Variants in CTBP2 observed in about 807,000 individuals in gnomAD.
CTBP2 encodes C-terminal binding protein 2, also known as C-terminal-binding protein 2.
Under a neutral mutation model 80.3 loss-of-function variants are expected in CTBP2, and 30 were observed. The observed-to-expected ratio is 0.37, with a 90% confidence interval of 0.28 to 0.51. The LOEUF (loss-of-function observed/expected upper bound fraction) is 0.51, where lower values mean the gene tolerates loss of function less well. CTBP2 is among the 20% of genes least tolerant of loss of function. CTBP2 has a pLI of 0.93. For synonymous variants in CTBP2, 594 were observed against 587.4 expected (o/e 1.01, Z -0.16); for missense variants, 1,212 against 1,375.3 (o/e 0.88, Z 1.88).
chr10:125,141,422 T>A (rs1857797526), intron 1 of CTBP2, among the ~76,000 whole-genome samples: 1 of 152,136 alleles, frequency 6.6e-6, no homozygotes, highest in Non-Finnish European at 1.5e-5. Context: ...TCGGGGCAGC[T>A]GACCTTCCCC....
intron 2 of CTBP2, among the ~76,000 whole-genome samples, chr10:125,041,665 T>C (rs1959865176): frequency 6.6e-6 from 1 of 152,078 alleles, no homozygotes; most frequent in South Asian, 2.1e-4. Context: ...AGCTGCGTCA[T>C]CCAAGGGGGG....
chr10:125,026,153 G>C lies in CTBP2; in HGVS notation c.1607C>G (p.Ser536Ter). Residue 536 changes from serine (S) to a stop codon, truncating the protein, a stop_gained, in exon 1 of 9, where the codon TCA (serine) becomes TGA (stop). Transcript: ENST00000309035. LOFTEE classifies it high-confidence loss of function. ...GCGCCGGGCCACCTTCTGGTACGGT[G>C]AGTGAGGCGTGTGGAGGCTCTGGCT... 6.2e-7 allele frequency: 1 copy of C among 1,608,742 alleles called. No homozygotes were observed.
intron 2 of CTBP2, among the ~76,000 whole-genome samples, chr10:125,086,745 C>T (rs537799329): frequency 3.0e-4 from 46 of 152,076 alleles, no homozygotes; most frequent in Admixed American, 1.6e-3. Flanking sequence ...TTGGATTTCC[C>T]AAGAATTGTG....
chr10:124,987,854 T>C lies in CTBP2; in HGVS notation c.*1664A>G, dbSNP rs1405543937. 1.3e-5 allele frequency: 2 copies of C among 152,182 alleles called. No individual in the cohort carries two copies. The highest frequency in any genetic ancestry group is 4.8e-5 in the African/African-American group (2 of 41,444). 9.4% of individuals were successfully genotyped at this position (152,182 alleles called of 1,614,324 possible). A position where few individuals can be genotyped will look rare whatever the true frequency, so the allele number is the denominator to read the frequency against. On this transcript the variant is annotated 3_prime_UTR_variant, in exon 9 of 9. Transcript: ENST00000309035. ...ACTTAATTGACACTTGCAAATACTT[T>C]TAGTATAAAGGTTTAATTCTATTTA...
intron 3 of CTBP2, among the ~76,000 whole-genome samples, chr10:125,002,596 G>A (rs1468595221): frequency 6.6e-6 from 1 of 152,168 alleles, no homozygotes; most frequent in Non-Finnish European, 1.5e-5. Flanking sequence ...ACACGGCAGG[G>A]GTCATTTAGG....
intron 1 of CTBP2, chr10:125,006,069 T>A: frequency 7.8e-7 from 1 of 1,279,238 alleles, no homozygotes; most frequent in Non-Finnish European, 1.0e-6. Context: ...GGTAACAAAC[T>A]CCAGGTTGCC....
chr10:125,026,590 A>AGCCACAGGCTGGGGCTGCAGG lies in CTBP2; in HGVS notation c.1169_1170insCCTGCAGCCCCAGCCTGTGGC (p.Ala390_Pro391insLeuGlnProGlnProValAla), dbSNP rs1554870880. On this transcript the variant is annotated inframe_insertion, in exon 1 of 9. Coordinates refer to ENST00000309035, the MANE Select transcript of CTBP2 (RefSeq NM_022802.3). ...CTCGGGGGGATGCTGTCTGCAGAGG[A>AGCCACAGGCTGGGGCTGCAGG]GCCGCAGCGCCCAGAGAAGCCAAGT... The AGCCACAGGCTGGGGCTGCAGG allele has an allele frequency of 9.6e-6, 15 of 1,561,396 alleles. No individual in the cohort carries two copies. The highest frequency in any genetic ancestry group is 1.8e-4 in the Middle Eastern group (1 of 5,602).
At position 125,043,247 on chromosome 10, in the gene CTBP2, G is replaced by A. The variant is rs115576068; in HGVS notation, c.-101-4092C>T. ...AACTCCAACATATCCAGAATCAAGG[G>A]CAGGGGAAAGGGGAGGGTTCCCCTC... On this transcript the variant is annotated intron_variant, in intron 2 of 10. Coordinates refer to the CTBP2 transcript ENST00000337195. Among the ~76,000 whole-genome samples the A allele has an allele frequency of 3.7e-3, 556 of 152,282 alleles. 3 individuals are homozygous for A. Among genetic ancestry groups the A allele is most frequent in the African/African-American group, 0.013 (536 of 41,558 alleles).
In CTBP2 at chr10:125,026,208, G is replaced by T; in HGVS notation, c.1552C>A (p.Pro518Thr). The T allele has an allele frequency of 6.2e-7, 1 of 1,613,498 alleles. No individual in the cohort carries two copies. The highest frequency in any genetic ancestry group is 1.1e-5 in the South Asian group (1 of 91,046). ...GGCGGCAGGGTGGATGGCCCCAGGG[G>T]TGCACCTGGCTTCCGCAAGACCTGG... Residue 518 changes from proline (P) to threonine (T), a missense_variant, in exon 1 of 9, where the codon CCC (proline) becomes ACC (threonine). Coordinates refer to ENST00000309035, the MANE Select transcript of CTBP2 (RefSeq NM_022802.3).
intron 1 of CTBP2, among the ~76,000 whole-genome samples, chr10:125,152,087 G>A (rs1017567179): frequency 1.3e-5 from 2 of 152,254 alleles, no homozygotes; most frequent in African/African-American, 4.8e-5. Context: ...CCTGCGGGGG[G>A]AAGAGGGCAC....
chr10:125,139,374 CAAAA>C (rs33963277), intron 1 of CTBP2, among the ~76,000 whole-genome samples: 3,029 of 96,210 alleles, frequency 0.031, 102 homozygotes, highest in African/African-American at 0.1. Flanking sequence ...TAGACTGTCT[CAAAA>C]AAAAAAAAAA....
At chr10:125,090,637 C>A (rs1333636341) in intron 2 of CTBP2, among the ~76,000 whole-genome samples, 2 of 151,962 alleles carry the variant, frequency 1.3e-5, no homozygotes, top group Non-Finnish European at 2.9e-5. Context: ...GTGGCATATG[C>A]CTGCAGTCTC....
At chr10:125,135,018 G>A (rs1856775615) in intron 1 of CTBP2, among the ~76,000 whole-genome samples, 2 of 152,066 alleles carry the variant, frequency 1.3e-5, no homozygotes, top group Non-Finnish European at 1.5e-5. Flanking sequence ...AAACCTTCCC[G>A]TCATAGGCAG....
chr10:125,070,449 T>C (rs1347076817), intron 2 of CTBP2, among the ~76,000 whole-genome samples: 2 of 152,028 alleles, frequency 1.3e-5, no homozygotes, highest in Non-Finnish European at 2.9e-5. Context: ...CCCAGAGCTT[T>C]GGGAGGCTGA....
At chr10:125,140,203 C>T (rs1857575302) in intron 1 of CTBP2, among the ~76,000 whole-genome samples, 1 of 151,996 alleles carries the variant, frequency 6.6e-6, no homozygotes, top group Non-Finnish European at 1.5e-5. Context: ...CAGAAGAAGC[C>T]AAGAATGCTT....
At chr10:125,012,115 C>T (rs140427251) in intron 1 of CTBP2, among the ~76,000 whole-genome samples, 142 of 151,926 alleles carry the variant, frequency 9.3e-4, no homozygotes, top group African/African-American at 3.4e-3. Flanking sequence ...ATTCCCACAG[C>T]GAAGCAGCCA....
chr10:125,113,394 T>C (rs1482845856), intron 1 of CTBP2, among the ~76,000 whole-genome samples: 1 of 152,252 alleles, frequency 6.6e-6, no homozygotes, highest in Non-Finnish European at 1.5e-5. Flanking sequence ...AAAGGTTAAA[T>C]GCCTTTTACT....
At chr10:125,022,112 C>T (rs1251579966) in intron 1 of CTBP2, among the ~76,000 whole-genome samples, 11 of 152,256 alleles carry the variant, frequency 7.2e-5, no homozygotes. Flanking sequence ...CTTCCATCTG[C>T]CCCACGCCGG....
rs1020636994 is a variant in CTBP2, at chr10:125,076,718, G to A, written c.-102+34272C>T. On this transcript the variant is annotated intron_variant, in intron 2 of 10. Transcript: ENST00000337195. ...AGTCAGGTCGGCGTTGTTCTGAGAA[G>A]GCAGAGAGAAAAACAGAAACTGAGT... Among the ~76,000 whole-genome samples, 5 of 152,228 alleles carry A rather than the reference G, an allele frequency of 3.3e-5. No homozygotes were observed. In the East Asian group the frequency reaches 5.8e-4, roughly 18 times the overall value.
Sources: allele counts gnomAD v4.1 joint callset (sites outside exome capture counted in the v4.1 genomes callset), GRCh38; gene constraint gnomAD v4.1.1; transcripts MANE v1.5; gene names NCBI Gene and HGNC (gene_info 2026-07-23, HGNC 2026-07-21).